KCTD15: variants seen among roughly 807,000 people sequenced by gnomAD.
The protein encoded by KCTD15 is BTB/POZ domain-containing protein KCTD15.
KCTD15 carries 11 observed loss-of-function variants against 27.2 expected under a neutral mutation model. That is an observed-to-expected ratio of 0.41 (90% CI 0.25 to 0.67). KCTD15 has a LOEUF of 0.67. Ranked by LOEUF, KCTD15 falls within the 30% of genes least tolerant of loss-of-function variation. The probability of loss-of-function intolerance (pLI) is 0.35; values close to 1 mark genes in which losing one functional copy is unlikely to be tolerated. For synonymous variants in KCTD15, 163 were observed against 176.0 expected (o/e 0.93, Z 0.58); for missense variants, 350 against 409.3 (o/e 0.86, Z 1.25).
At position 33,813,563 on chromosome 19, in the gene KCTD15, G is replaced by C. The variant is rs1384156107; in HGVS notation, c.*615G>C. The C allele has an allele frequency of 2.8e-6, 1 of 361,754 alleles. No individual in the cohort carries two copies. Among genetic ancestry groups the C allele is most frequent in the Non-Finnish European group, 5.4e-6 (1 of 184,004 alleles). The allele number at this position is 361,754 out of a possible 1,614,324, so 22.4% of individuals were successfully genotyped here. A position where few individuals can be genotyped will look rare whatever the true frequency, so the allele number is the denominator to read the frequency against. ...CAGGGATGTGTGCTGCAGGGCTGCT[G>C]GGAGGAGAGTGGTGGGGGCCTGAGG... On this transcript the variant is annotated 3_prime_UTR_variant, in exon 7 of 7. Transcript: ENST00000683859.
intron 1 of KCTD15, 33 bp from the exon 2 acceptor site, chr19:33,798,635 T>A (rs1568375298): frequency 1.3e-5 from 2 of 152,740 alleles, no homozygotes; most frequent in African/African-American, 4.8e-5. Flanking sequence ...CTTGTATCTC[T>A]CACTGCACCC....
chr19:33,809,753 C>T (rs1465015910), intron 5 of KCTD15, among the ~76,000 whole-genome samples: 1 of 152,086 alleles, frequency 6.6e-6, no homozygotes, highest in African/African-American at 2.4e-5. Flanking sequence ...TGCCTGTAGT[C>T]TCAGCTGCTC....
chr19:33,803,644 G>C (rs969248864), intron 4 of KCTD15, among the ~76,000 whole-genome samples: 2 of 152,042 alleles, frequency 1.3e-5, no homozygotes, highest in South Asian at 4.2e-4. Context: ...AGACAGCCAA[G>C]CACAGCCGGG....
intron 5 of KCTD15, among the ~76,000 whole-genome samples, chr19:33,810,528 A>G (rs1288651348): frequency 6.6e-6 from 1 of 151,952 alleles, no homozygotes; most frequent in Non-Finnish European, 1.5e-5. Context: ...AAAAACATAA[A>G]AGTTAGCCGG....
intron 1 of KCTD15, chr19:33,798,114 G>C (rs1975410895): frequency 6.6e-6 from 1 of 152,124 alleles, no homozygotes. Context: ...AGGCTGGCGC[G>C]CACCAGGTGG....
At chr19:33,797,294 G>C (rs1975364886) in intron 1 of KCTD15, 4 of 373,986 alleles carry the variant, frequency 1.1e-5, no homozygotes, top group South Asian at 5.7e-5. Context: ...GCGCGCGCGC[G>C]CGCGCGCGCT....
At chr19:33,803,377 A>G (rs893360946) in intron 4 of KCTD15, among the ~76,000 whole-genome samples, 2 of 152,206 alleles carry the variant, frequency 1.3e-5, no homozygotes, top group African/African-American at 2.4e-5. Flanking sequence ...GAAAAAATCA[A>G]TCTCACCTAG....
chr19:33,814,729 A>G lies in KCTD15; in HGVS notation c.*1781A>G, dbSNP rs1976042396. On this transcript the variant is annotated 3_prime_UTR_variant, in exon 7 of 7. Transcript: ENST00000683859. The stretch of plus-strand genomic sequence containing the variant: ...CGAGATCTCAGTATGCCTCCATGTA[A>G]ACAGATTCACATAGGCCTCCAATTT... The G allele has an allele frequency of 6.6e-6, 1 of 152,088 alleles. No homozygotes were observed. The highest frequency in any genetic ancestry group is 2.1e-4 in the South Asian group (1 of 4,812). The allele number at this position is 152,088 out of a possible 1,614,324, so 9.4% of individuals were successfully genotyped here.
chr19:33,812,919 G>T lies in KCTD15; in HGVS notation c.823G>T (p.Val275Phe). The change falls in exon 7 of 7, where the codon GTT (valine) becomes TTT (phenylalanine). Residue 275 changes from valine (V) to phenylalanine (F), a missense_variant. Val to Phe is a conservative substitution (Grantham distance 50). Coordinates refer to ENST00000683859, the MANE Select transcript of KCTD15 (RefSeq NM_001129994.2). ...GCGGCCGCAGCCCACCCCCACTGCT[G>T]TTCGAATCAAGCAGGAACCCCTGGA... The part of the protein sequence containing the change: ...ERRPQPTPTA[V>F]RIKQEPLD 1.3e-6 allele frequency: 2 copies of T among 1,549,416 alleles called. No homozygotes were observed. The highest frequency in any genetic ancestry group is 1.7e-6 in the Non-Finnish European group (2 of 1,146,710).
At chr19:33,806,547 G>C (rs930786767) in intron 4 of KCTD15, among the ~76,000 whole-genome samples, 1 of 152,138 alleles carries the variant, frequency 6.6e-6, no homozygotes, top group Non-Finnish European at 1.5e-5. Context: ...AGGGGGTAAG[G>C]TGCCTGTGTC....
At chr19:33,810,675 C>CAAAAAAAA (rs72186145) in intron 5 of KCTD15, among the ~76,000 whole-genome samples, 1 of 120,650 alleles carries the variant, frequency 8.3e-6, no homozygotes, top group Non-Finnish European at 1.7e-5. Context: ...AAAACAAAAA[C>CAAAAAAAA]AAAAAAAAAA....
rs1239735550 is a variant in KCTD15 at position 33,813,497 on chromosome 19, A to G, written c.*549A>G. 1 of 431,462 alleles carries G rather than the reference A, an allele frequency of 2.3e-6. No individual in the cohort carries two copies. The highest frequency in any genetic ancestry group is 4.6e-6 in the Non-Finnish European group (1 of 215,444). 26.7% of individuals were successfully genotyped at this position (431,462 alleles called of 1,614,324 possible). A position where few individuals can be genotyped will look rare whatever the true frequency, so the allele number is the denominator to read the frequency against. On this transcript the variant is annotated 3_prime_UTR_variant, in exon 7 of 7. Coordinates refer to ENST00000683859, the MANE Select transcript of KCTD15 (RefSeq NM_001129994.2). ...AGGGTGGACCAGCTGCCTGGCATTC[A>G]GGCCCAGATGCCTGCAGGGCTGGGG...
rs763020889 is a variant in KCTD15 at position 33,813,334 on chromosome 19, C to G, written c.*386C>G. 19 of 498,772 alleles carry G rather than the reference C, an allele frequency of 3.8e-5. No homozygotes were observed. Among genetic ancestry groups the G allele is most frequent in the South Asian group, 2.9e-4 (19 of 64,550 alleles). 30.9% of individuals were successfully genotyped at this position (498,772 alleles called of 1,614,324 possible). ...CGCGGGGCAGACTCTGGCGGGTCTC[C>G]TAGCGTCCGAGAGATGGCTTATTTT... On this transcript the variant is annotated 3_prime_UTR_variant, in exon 7 of 7. Transcript: ENST00000683859.
chr19:33,801,569 G>A, intron 4 of KCTD15: 3 of 432,516 alleles, frequency 6.9e-6, no homozygotes, highest in Non-Finnish European at 1.2e-5. Context: ...CATTGGTAGT[G>A]CAAGGTGGAG....
chr19:33,803,398 C>T lies in KCTD15; in HGVS notation c.242+2056C>T, dbSNP rs72623851. On this transcript the variant is annotated intron_variant, in intron 4 of 6. Coordinates refer to ENST00000683859, the MANE Select transcript of KCTD15 (RefSeq NM_001129994.2). Reference sequence around the variant, plus strand: ...ATCAATCTCACCTAGTGTCACTGATCTAGGAGACACCTGGAGATGGAGGAC... The same window carrying T: ...ATCAATCTCACCTAGTGTCACTGATTTAGGAGACACCTGGAGATGGAGGAC... Among the ~76,000 whole-genome samples, 360 of 152,356 alleles carry T rather than the reference C, an allele frequency of 2.4e-3. 10 individuals carry two copies. In the East Asian group the frequency reaches 0.051, roughly 22 times the overall value.
At chr19:33,806,503 G>A (rs1975716496) in intron 4 of KCTD15, among the ~76,000 whole-genome samples, 1 of 152,184 alleles carries the variant, frequency 6.6e-6, no homozygotes, top group Non-Finnish European at 1.5e-5. Context: ...GCAAGGGTGT[G>A]TGCACCAGGC....
chr19:33,795,650 G>A (rs557783373), upstream of KCTD15, among the ~76,000 whole-genome samples: 21 of 152,218 alleles, frequency 1.4e-4, no homozygotes, highest in South Asian at 4.3e-3. Context: ...CGAGGAGGAG[G>A]AGGAGGCACG....
intron 2 of KCTD15, 147 bp from the exon 3 acceptor site, chr19:33,800,281 G>T (rs1200512071): frequency 1.5e-6 from 1 of 648,934 alleles, no homozygotes; most frequent in Non-Finnish European, 2.8e-6. Flanking sequence ...TAGAGAGATA[G>T]TGGCGGTGGA....
upstream of KCTD15, chr19:33,796,799 C>T (rs1245065516): frequency 1.7e-3 from 63 of 38,086 alleles, no homozygotes; most frequent in Middle Eastern, 0.02. Flanking sequence ...CGCGAGGGGC[C>T]GCGTGAAGCG....
Sources: gnomAD v4.1 joint callset for allele counts (sites outside exome capture counted in the v4.1 genomes callset) on GRCh38, gnomAD v4.1.1 for gene constraint, MANE v1.5 for transcripts, NCBI Gene and HGNC (gene_info 2026-07-23, HGNC 2026-07-21) for gene names.